SELENOF: variants seen among roughly 807,000 people sequenced by gnomAD.
SELENOF encodes selenoprotein F.
In SELENOF, 16 loss-of-function variants were observed where a neutral mutation model predicts 20.5. That is an observed-to-expected ratio of 0.78 (90% CI 0.53 to 1.19). The LOEUF is 1.19. SELENOF is among the 50% of genes most tolerant of loss of function. SELENOF has a pLI of 0.00. For synonymous variants in SELENOF, 78 were observed against 74.5 expected (o/e 1.05, Z -0.24); for missense variants, 215 against 194.2 (o/e 1.11, Z -0.64).
intron 3 of SELENOF, among the ~76,000 whole-genome samples, chr1:86,871,930 T>C (rs954109570): frequency 2.1e-4 from 32 of 152,146 alleles, no homozygotes; most frequent in African/African-American, 6.8e-4. Flanking sequence ...TAATGGAGCT[T>C]ATGGCAACCT....
chr1:86,879,637 G>A (rs187532552), intron 3 of SELENOF, among the ~76,000 whole-genome samples: 158 of 152,180 alleles, frequency 1.0e-3, no homozygotes, highest in Middle Eastern at 6.8e-3. Flanking sequence ...GGTAGAATGA[G>A]GTATGTAAAT....
At chr1:86,902,991 T>G (rs1205323118) in intron 2 of SELENOF, among the ~76,000 whole-genome samples, 1 of 152,248 alleles carries the variant, frequency 6.6e-6, no homozygotes, top group Non-Finnish European at 1.5e-5. Flanking sequence ...TTGGCTTCAT[T>G]TGGCCAGAAG....
chr1:86,863,596 C>T lies in SELENOF; in HGVS notation c.376G>A (p.Gly126Ser), dbSNP rs1162544543. 3.7e-6 allele frequency: 6 copies of T among 1,612,376 alleles called. No individual in the cohort carries two copies. The highest frequency in any genetic ancestry group is 5.1e-6 in the Non-Finnish European group (6 of 1,179,426). Residue 126 changes from glycine (G) to serine (S), a missense_variant, in exon 5 of 5, where the codon GGT becomes AGT. Physicochemically the swap from Gly to Ser is moderately conservative, Grantham distance 56 (BLOSUM62 0). Transcript: ENST00000331835. The part of the protein sequence containing the change: ...FRGLQIKYVR[G>S]SDPVLKLLDD... ...AAAAGCTTTAATACAGGGTCTGAAC[C>T]ACGGACATACTACAAAAAAGAGGGA... is the stretch of plus-strand genomic sequence containing the variant.
At position 86,868,050 on chromosome 1, in the gene SELENOF, T is replaced by TA; in HGVS notation, c.366+2dup. On this transcript the variant is annotated splice_region_variant and intron_variant, in intron 4 of 4. Coordinates refer to ENST00000331835, the MANE Select transcript of SELENOF (RefSeq NM_004261.5). Reference sequence around the variant, plus strand: ...AAAGAGATCTCCACTACAATCACCTTACCTTGATTTGCAGTCCTCTGAACA... The same window carrying TA: ...AAAGAGATCTCCACTACAATCACCTTAACCTTGATTTGCAGTCCTCTGAACA... 6.9e-7 allele frequency: 1 copy of TA among 1,441,976 alleles called. No individual in the cohort carries two copies. 89.3% of individuals were successfully genotyped at this position (1,441,976 alleles called of 1,614,324 possible). A position where few individuals can be genotyped will look rare whatever the true frequency, so the allele number is the denominator to read the frequency against.
chr1:86,898,436 A>G (rs1316852103), intron 2 of SELENOF, among the ~76,000 whole-genome samples: 1 of 152,238 alleles, frequency 6.6e-6, no homozygotes, highest in African/African-American at 2.4e-5. Context: ...AAAAGTGACC[A>G]TTACTAAAAA....
In SELENOF at chr1:86,863,376, C is replaced by G; in HGVS notation, c.*98G>C. On this transcript the variant is annotated 3_prime_UTR_variant, in exon 5 of 5. Coordinates refer to ENST00000331835, the MANE Select transcript of SELENOF (RefSeq NM_004261.5). ...GATATTTAATGCCTCAAGTAAAAGA[C>G]TGATCAATGGAAGCAAGCAAAACTA... 1.0e-6 allele frequency: 1 copy of G among 1,003,550 alleles called. No homozygotes were observed. Among genetic ancestry groups the G allele is most frequent in the East Asian group, 2.6e-5 (1 of 39,044 alleles). 62.2% of individuals were successfully genotyped at this position (1,003,550 alleles called of 1,614,324 possible).
At chr1:86,898,754 TG>T (rs1659592108) in intron 2 of SELENOF, among the ~76,000 whole-genome samples, 1 of 147,292 alleles carries the variant, frequency 6.8e-6, no homozygotes, top group African/African-American at 2.5e-5. Context: ...GCTAATTTTT[TG>T]TATTTTTTTT....
chr1:86,869,836 G>A (rs911540672), intron 3 of SELENOF, among the ~76,000 whole-genome samples: 3 of 151,740 alleles, frequency 2.0e-5, no homozygotes, highest in Admixed American at 6.6e-5. Flanking sequence ...GTGCAGTGGC[G>A]CAATCTCGGC....
intron 4 of SELENOF, among the ~76,000 whole-genome samples, chr1:86,867,670 T>G (rs1329357179): frequency 1.3e-5 from 2 of 152,074 alleles, no homozygotes; most frequent in African/African-American, 4.8e-5. Context: ...GCAAAACTCC[T>G]ATAATTATAC....
intron 2 of SELENOF, among the ~76,000 whole-genome samples, chr1:86,898,286 G>C (rs1401778432): frequency 6.6e-6 from 1 of 152,160 alleles, no homozygotes; most frequent in Non-Finnish European, 1.5e-5. Flanking sequence ...AACTGGAAGG[G>C]AGGGAGACCA....
intron 3 of SELENOF, among the ~76,000 whole-genome samples, chr1:86,877,478 C>T (rs1329779846): frequency 1.3e-5 from 2 of 152,162 alleles, no homozygotes; most frequent in Non-Finnish European, 2.9e-5. Flanking sequence ...TTTGGAAATA[C>T]TTGCATACAT....
chr1:86,891,328 T>C (rs571990784), intron 2 of SELENOF, among the ~76,000 whole-genome samples: 2 of 151,966 alleles, frequency 1.3e-5, no homozygotes, highest in Admixed American at 1.3e-4. Flanking sequence ...GGATTACAGG[T>C]GTGAGTCACC....
intron 2 of SELENOF, among the ~76,000 whole-genome samples, chr1:86,894,027 T>C (rs1194017714): frequency 6.6e-6 from 1 of 152,220 alleles, no homozygotes; most frequent in African/African-American, 2.4e-5. Context: ...CAAAAGGCTT[T>C]TATCAAATCC....
rs904449570 is a variant in SELENOF, at chr1:86,862,616, C to T, written c.*858G>A. ...ATGTTATAAGTTTTAAATATTACAGCCATTTTTACATTTTGGCTAAAAAAA... is the reference window on the plus strand; with the variant it reads ...ATGTTATAAGTTTTAAATATTACAGTCATTTTTACATTTTGGCTAAAAAAA... On this transcript the variant is annotated 3_prime_UTR_variant, in exon 5 of 5. Coordinates refer to ENST00000331835, the MANE Select transcript of SELENOF (RefSeq NM_004261.5). 6.6e-6 allele frequency: 1 copy of T among 151,914 alleles called. No homozygotes were observed. Among genetic ancestry groups the T allele is most frequent in the Non-Finnish European group, 1.5e-5 (1 of 67,982 alleles). 9.4% of individuals were successfully genotyped at this position (151,914 alleles called of 1,614,324 possible).
intron 2 of SELENOF, among the ~76,000 whole-genome samples, chr1:86,882,247 C>CAAA (rs61037512): frequency 4.7e-4 from 29 of 61,856 alleles, no homozygotes; most frequent in Non-Finnish European, 6.2e-4. Flanking sequence ...GACTCTGTCT[C>CAAA]AAAAAAAAAA....
At chr1:86,874,777 T>C (rs1177561273) in intron 3 of SELENOF, among the ~76,000 whole-genome samples, 1 of 152,170 alleles carries the variant, frequency 6.6e-6, no homozygotes, top group Admixed American at 6.5e-5. Context: ...GGACAAAATA[T>C]AATCCTGTTG....
chr1:86,876,070 T>A (rs920998882), intron 3 of SELENOF, among the ~76,000 whole-genome samples: 1 of 151,614 alleles, frequency 6.6e-6, no homozygotes, highest in African/African-American at 2.4e-5. Flanking sequence ...CTCTTTTGGT[T>A]GTTGTGTTGA....
intron 2 of SELENOF, among the ~76,000 whole-genome samples, chr1:86,892,738 TTAAA>T (rs1309180324): frequency 1.3e-5 from 2 of 152,202 alleles, no homozygotes; most frequent in African/African-American, 4.8e-5. Flanking sequence ...TGGCTGGGCC[TTAAA>T]TAAAGCCCAA....
chr1:86,884,925 C>G lies in SELENOF; in HGVS notation c.253-4200G>C, dbSNP rs575870822. Among the ~76,000 whole-genome samples the G allele has an allele frequency of 2.0e-5, 3 of 152,248 alleles. No individual in the cohort carries two copies. The East Asian group carries it at 5.8e-4, about 29-fold the overall frequency. On this transcript the variant is annotated intron_variant, in intron 2 of 4. Transcript: ENST00000331835. Reference sequence around the variant, plus strand: ...TCTTTTCCCTTTGGAGTCTCTATTTCCATGTAACTTATGACCGTCAGATTT... The same window carrying G: ...TCTTTTCCCTTTGGAGTCTCTATTTGCATGTAACTTATGACCGTCAGATTT...
Sources: allele counts gnomAD v4.1 joint callset (sites outside exome capture counted in the v4.1 genomes callset), GRCh38; gene constraint gnomAD v4.1.1; transcripts MANE v1.5; gene names NCBI Gene and HGNC (gene_info 2026-07-23, HGNC 2026-07-21).